WDR49: variants seen among roughly 807,000 people sequenced by gnomAD.
WDR49 encodes WD repeat domain 49, also known as cilia- and flagella-associated protein 337.
Under a neutral mutation model 119.5 loss-of-function variants are expected in WDR49, and 107 were observed. The observed-to-expected ratio is 0.90, with a 90% CI of 0.77 to 1.05. The LOEUF (loss-of-function observed/expected upper bound fraction) is 1.05, where lower values mean the gene tolerates loss of function less well. WDR49 is among the 50% of genes least tolerant of loss of function. The pLI, the probability that WDR49 is intolerant of heterozygous loss-of-function variation, is 0.00. For synonymous variants in WDR49, 425 were observed against 418.8 expected (o/e 1.01, Z -0.18); for missense variants, 1,240 against 1,220.5 (o/e 1.02, Z -0.24).
chr3:167,612,112 A>C (rs1368025852), intron 5 of WDR49, among the ~76,000 whole-genome samples: 1 of 152,224 alleles, frequency 6.6e-6, no homozygotes, highest in African/African-American at 2.4e-5. Flanking sequence ...GACATTCAAA[A>C]TATTGAAATA....
At chr3:167,632,534 C>A (rs1717420786) in intron 2 of WDR49, among the ~76,000 whole-genome samples, 1 of 151,916 alleles carries the variant, frequency 6.6e-6, no homozygotes, top group Admixed American at 6.6e-5. Context: ...TTTGCCATAC[C>A]TCCAGTTAAA....
intron 9 of WDR49, among the ~76,000 whole-genome samples, 165 bp from the exon 10 acceptor site, chr3:167,554,963 T>C (rs1712836639): frequency 6.6e-6 from 1 of 152,206 alleles, no homozygotes; most frequent in African/African-American, 2.4e-5. Flanking sequence ...CTAGTTGGTC[T>C]TCATCCCCAT....
chr3:167,575,320 G>A (rs1174952443), intron 8 of WDR49: 4 of 985,354 alleles, frequency 4.1e-6, no homozygotes, highest in Admixed American at 6.1e-5. Flanking sequence ...TGCTCCAGGG[G>A]AGCCCTGCTT....
At chr3:167,513,685 G>C (rs1299745683) in intron 16 of WDR49, among the ~76,000 whole-genome samples, 2 of 152,058 alleles carry the variant, frequency 1.3e-5, no homozygotes, top group East Asian at 3.9e-4. Flanking sequence ...AAAGAGTAAA[G>C]ACCCATTGGT....
chr3:167,605,602 T>A (rs1358059429), intron 5 of WDR49, among the ~76,000 whole-genome samples: 1 of 152,192 alleles, frequency 6.6e-6, no homozygotes, highest in East Asian at 1.9e-4. Context: ...ATAAATTGAA[T>A]GTTACAAAAT....
chr3:167,653,567 A>T, intron 1 of WDR49, 68 bp from the exon 2 acceptor site: 1 of 964,006 alleles, frequency 1.0e-6, no homozygotes, highest in Non-Finnish European at 1.4e-6. Flanking sequence ...AAGGCATACG[A>T]TCAGGAGGCA....
Position 167,531,174 on chromosome 3 carries a change from C to T in WDR49, c.2159G>A (p.Gly720Asp), listed in dbSNP as rs1344874393. 1.2e-6 allele frequency: 2 copies of T among 1,612,068 alleles called. No individual in the cohort carries two copies. Among genetic ancestry groups the T allele is most frequent in the South Asian group, 1.1e-5 (1 of 90,950 alleles). Residue 720 changes from glycine to aspartate, a missense_variant, in exon 13 of 19, where the codon GGC (glycine) becomes GAC (aspartate). Physicochemically the swap from Gly to Asp is moderately conservative, Grantham distance 94. Transcript: ENST00000682715. ...GCAAAGTCTCATAACAGCATTTTTG[C>T]CCTCAGTGTCAATCTCAAAGTTGCG... ...GVRNFEIDTEGKNAVMRLCFL... is the reference protein window; with the variant it reads ...GVRNFEIDTEDKNAVMRLCFL...
chr3:167,654,087 G>A (rs920691582), upstream of WDR49: 1 of 152,012 alleles, frequency 6.6e-6, no homozygotes, highest in African/African-American at 2.4e-5. Context: ...TGTAAATGTT[G>A]AAATGGTTTT....
rs1717154910 is a variant in WDR49 at position 167,626,926 on chromosome 3, G to A, written c.532C>T (p.Pro178Ser). Residue 178 changes from proline to serine, a missense_variant, in exon 3 of 19, where the codon CCC becomes TCC. Pro to Ser is a moderately conservative substitution (Grantham distance 74). Transcript: ENST00000682715. ...AGCTTGGTGGCATCTGAAGTGATGG[G>A]GAATGTTTCTTGCAGCTTTAAATGC... Reference protein sequence around the residue: ...GEHLKLQETFPITSDATKLKH... With the variant: ...GEHLKLQETFSITSDATKLKH... 1.5e-6 allele frequency: 2 copies of A among 1,298,060 alleles called. No individual in the cohort carries two copies. The highest frequency in any genetic ancestry group is 1.5e-5 in the African/African-American group (1 of 66,070). 80.4% of individuals were successfully genotyped at this position (1,298,060 alleles called of 1,614,324 possible). A position where few individuals can be genotyped will look rare whatever the true frequency, so the allele number is the denominator to read the frequency against.
chr3:167,651,827 C>T (rs888873712), intron 2 of WDR49, among the ~76,000 whole-genome samples: 1 of 152,064 alleles, frequency 6.6e-6, no homozygotes, highest in Non-Finnish European at 1.5e-5. Context: ...TCATTCAAGA[C>T]TAATCTGCAG....
intron 12 of WDR49, among the ~76,000 whole-genome samples, chr3:167,531,696 C>G (rs1291447129): frequency 6.6e-6 from 1 of 152,028 alleles, no homozygotes. Flanking sequence ...ATTAAATGAG[C>G]CTTTTTAACA....
At chr3:167,592,497 C>T (rs1199412017) in intron 7 of WDR49, among the ~76,000 whole-genome samples, 2 of 149,844 alleles carry the variant, frequency 1.3e-5, no homozygotes, top group African/African-American at 2.5e-5. Flanking sequence ...TGCAATAGCA[C>T]CATCTCAGCT....
At chr3:167,498,452 G>T (rs983043638) in intron 18 of WDR49, among the ~76,000 whole-genome samples, 2 of 152,122 alleles carry the variant, frequency 1.3e-5, no homozygotes, top group South Asian at 4.1e-4. Context: ...AGGGTGGAGG[G>T]GGGAGGGTGA....
Position 167,492,176 on chromosome 3 carries a change from TAAC to T in WDR49, c.3031+7974_3031+7976del, listed in dbSNP as rs558195844. ...TTTTTTTTTAAGTGTTATTTTATAA[TAAC>T]AATTTTTAAATTCATCAGTATCCTT... On this transcript the variant is annotated intron_variant, in intron 18 of 18. Transcript: ENST00000682715. Among the ~76,000 whole-genome samples the T allele has an allele frequency of 4.5e-3, 684 of 151,800 alleles. 2 individuals carry two copies. The highest frequency in any genetic ancestry group is 7.8e-3 in the Non-Finnish European group (528 of 67,934).
intron 5 of WDR49, among the ~76,000 whole-genome samples, chr3:167,613,302 A>G (rs779668724): frequency 4.6e-5 from 7 of 152,244 alleles, no homozygotes; most frequent in Non-Finnish European, 4.4e-5. Context: ...AATTAATTCA[A>G]TTACTTTTCA....
At chr3:167,591,981 C>A (rs1715138761) in intron 7 of WDR49, among the ~76,000 whole-genome samples, 2 of 152,026 alleles carry the variant, frequency 1.3e-5, no homozygotes, top group Admixed American at 1.3e-4. Context: ...TTCTTTCTTT[C>A]CTTCCTGTCT....
chr3:167,654,149 T>A (rs895526122), upstream of WDR49, among the ~76,000 whole-genome samples: 65 of 152,308 alleles, frequency 4.3e-4, no homozygotes, highest in East Asian at 3.9e-3. Flanking sequence ...AAACGACATC[T>A]TGTATTATTT....
chr3:167,555,410 T>C (rs1397713563), intron 9 of WDR49, among the ~76,000 whole-genome samples: 1 of 152,210 alleles, frequency 6.6e-6, no homozygotes, highest in African/African-American at 2.4e-5. Context: ...AATTAATGAA[T>C]ACATGTAAGT....
intron 8 of WDR49, among the ~76,000 whole-genome samples, chr3:167,563,574 T>TA (rs1005809321): frequency 5.9e-5 from 9 of 152,252 alleles, no homozygotes; most frequent in Admixed American, 2.0e-4. Context: ...TTATTTCTAT[T>TA]AAAAAACATT....
Sources: gnomAD v4.1 joint callset for allele counts (sites outside exome capture counted in the v4.1 genomes callset) on GRCh38, gnomAD v4.1.1 for gene constraint, MANE v1.5 for transcripts, NCBI Gene and HGNC (gene_info 2026-07-23, HGNC 2026-07-21) for gene names.